The following TMOD1 variants were observed in gnomAD, a reference collection of about 807,000 sequenced individuals.
TMOD1 encodes tropomodulin-1.
In TMOD1, 17 loss-of-function variants were observed where a neutral mutation model predicts 40.6. That is an observed-to-expected ratio of 0.42 (90% confidence interval 0.29 to 0.63). TMOD1 has a LOEUF of 0.63. TMOD1 is among the 20% of genes least tolerant of loss of function. The pLI, the probability that TMOD1 is intolerant of heterozygous loss-of-function variation, is 0.22. For missense variants in TMOD1, 391 were observed against 447.6 expected, an observed-to-expected ratio of 0.87 and a Z score of 1.14; for synonymous variants, 181 against 175.0, an observed-to-expected ratio of 1.03 and a Z score of -0.27.
intron 8 of TMOD1, 119 bp downstream of exon 8, chr9:97,569,156 T>A (rs1830779833): frequency 7.6e-7 from 1 of 1,320,522 alleles, no homozygotes; most frequent in African/African-American, 1.5e-5. Context: ...GAGCCCAGCT[T>A]TGAGGGACCT....
rs779217770 is a variant in TMOD1, at chr9:97,601,050, G to A, written c.*1352G>A. 8.4e-5 allele frequency: 109 copies of A among 1,303,864 alleles called. No individual in the cohort carries two copies. The highest frequency in any genetic ancestry group is 1.0e-4 in the Non-Finnish European group (103 of 988,816). 80.8% of individuals were successfully genotyped at this position (1,303,864 alleles called of 1,614,324 possible). A position where few individuals can be genotyped will look rare whatever the true frequency, so the allele number is the denominator to read the frequency against. On this transcript the variant is annotated 3_prime_UTR_variant, in exon 10 of 10. Transcript: ENST00000259365. Reference sequence around the variant, plus strand: ...TGAAGGCCTGCGCACTGAACTGTAAGGCAGTGGGCAGTACAGGGTAACTGG... The same window carrying A: ...TGAAGGCCTGCGCACTGAACTGTAAAGCAGTGGGCAGTACAGGGTAACTGG...
intron 8 of TMOD1, among the ~76,000 whole-genome samples, chr9:97,590,515 C>A (rs1825979143): frequency 1.3e-5 from 2 of 152,110 alleles, no homozygotes; most frequent in Admixed American, 6.5e-5. Flanking sequence ...CATGAGCCAC[C>A]ACGCCTGGCC....
intron 2 of TMOD1, 149 bp downstream of exon 2, chr9:97,524,457 T>C (rs769556708): frequency 8.7e-5 from 79 of 911,404 alleles, no homozygotes; most frequent in Non-Finnish European, 1.2e-4. Context: ...TCTTTTAATG[T>C]GTTGTATTAG....
At chr9:97,504,810 C>G (rs62557553) in intron 1 of TMOD1, among the ~76,000 whole-genome samples, 6,185 of 152,218 alleles carry the variant, frequency 0.041, 159 homozygotes, top group African/African-American at 0.077. Context: ...CTTTTCCAGT[C>G]AATGTTTTGA....
At position 97,599,732 on chromosome 9, in the gene TMOD1, A is replaced by G; in HGVS notation, c.*34A>G. On this transcript the variant is annotated 3_prime_UTR_variant, in exon 10 of 10. Coordinates refer to ENST00000259365, the MANE Select transcript of TMOD1 (RefSeq NM_003275.4). ...GGTGGAGTCCATGCCTTTGAACTGG[A>G]TGTGTTCTATTGATGACCTGTGCTC... 6.2e-7 allele frequency: 1 copy of G among 1,613,782 alleles called. No homozygotes were observed. The highest frequency in any genetic ancestry group is 8.5e-7 in the Non-Finnish European group (1 of 1,179,934).
Position 97,600,427 on chromosome 9 carries a change from G to A in TMOD1, c.*729G>A. On this transcript the variant is annotated 3_prime_UTR_variant, in exon 10 of 10. Coordinates refer to ENST00000259365, the MANE Select transcript of TMOD1 (RefSeq NM_003275.4). ...TTCTTTAAGAACATTTGGGATTTAT[G>A]TACAATTTAATACTGGAGTTAGAAC... The A allele has an allele frequency of 2.0e-6, 2 of 985,746 alleles. No individual in the cohort carries two copies. The highest frequency in any genetic ancestry group is 9.4e-5 in the South Asian group (2 of 21,306). The allele number at this position is 985,746 out of a possible 1,614,324, so 61.1% of individuals were successfully genotyped here. A position where few individuals can be genotyped will look rare whatever the true frequency, so the allele number is the denominator to read the frequency against.
In TMOD1 at chr9:97,555,626, T is replaced by G. The variant is rs1587939918; in HGVS notation, c.397+2226T>G. The stretch of plus-strand genomic sequence containing the variant: ...TGGCTAACCTTGGATGCCTGTCATT[T>G]GATGTTGGACATTTGAAAGATGGCA... On this transcript the variant is annotated intron_variant, in intron 4 of 9. Transcript: ENST00000259365. The G allele has an allele frequency of 3.2e-6, 5 of 1,550,960 alleles. No individual in the cohort carries two copies. The East Asian group carries it at 1.2e-4, about 38-fold the overall frequency.
At chr9:97,589,277 TA>T (rs1825947681) in intron 8 of TMOD1, among the ~76,000 whole-genome samples, 2 of 138,648 alleles carry the variant, frequency 1.4e-5, no homozygotes, top group African/African-American at 5.7e-5. Context: ...CCAAACTCAC[TA>T]ATTTTTTTTT....
intron 3 of TMOD1, among the ~76,000 whole-genome samples, chr9:97,547,731 T>C (rs1295988778): frequency 6.6e-6 from 1 of 152,234 alleles, no homozygotes; most frequent in Non-Finnish European, 1.5e-5. Flanking sequence ...GCTTGGTTAT[T>C]TTCCAACACA....
intron 1 of TMOD1, among the ~76,000 whole-genome samples, chr9:97,518,087 A>G (rs1587916010): frequency 6.6e-6 from 1 of 151,976 alleles, no homozygotes; most frequent in South Asian, 2.1e-4. Flanking sequence ...CTGCCCCAAC[A>G]CCTGCCCCAT....
chr9:97,580,687 G>A (rs1419461485), intron 8 of TMOD1, among the ~76,000 whole-genome samples: 1 of 152,164 alleles, frequency 6.6e-6, no homozygotes, highest in Non-Finnish European at 1.5e-5. Flanking sequence ...ACTCTATGCA[G>A]TTTAGGTGGG....
chr9:97,601,045 T>C lies in TMOD1; in HGVS notation c.*1347T>C, dbSNP rs1826246066. On this transcript the variant is annotated 3_prime_UTR_variant, in exon 10 of 10. Transcript: ENST00000259365. ...AAAGGTGAAGGCCTGCGCACTGAAC[T>C]GTAAGGCAGTGGGCAGTACAGGGTA... 1 of 1,303,604 alleles carries C rather than the reference T, an allele frequency of 7.7e-7. No homozygotes were observed. The highest frequency in any genetic ancestry group is 1.5e-5 in the African/African-American group (1 of 65,862). 80.8% of individuals were successfully genotyped at this position (1,303,604 alleles called of 1,614,324 possible).
intron 8 of TMOD1, among the ~76,000 whole-genome samples, chr9:97,575,049 C>A (rs1830905176): frequency 6.6e-6 from 1 of 152,224 alleles, no homozygotes; most frequent in South Asian, 2.1e-4. Context: ...TGGCAACCCG[C>A]TCGGGTCCAC....
chr9:97,585,729 TC>T (rs1251183678), intron 8 of TMOD1, among the ~76,000 whole-genome samples: 4 of 129,550 alleles, frequency 3.1e-5, no homozygotes, highest in Non-Finnish European at 6.5e-5. Flanking sequence ...TCTCTAAACT[TC>T]CCTTCTTGCT....
In TMOD1 at chr9:97,599,597, G is replaced by C. The variant is rs776535945; in HGVS notation, c.1016-37G>C. On this transcript the variant is annotated intron_variant, in intron 9 of 9. Transcript: ENST00000259365. The stretch of plus-strand genomic sequence containing the variant: ...ACAGTGCTGGCCCCTGGTCTACAGG[G>C]AAAAGTGCCTTATATCTTATCTCCA... 2.5e-6 allele frequency: 4 copies of C among 1,613,692 alleles called. No homozygotes were observed. In the South Asian group the frequency reaches 4.4e-5, roughly 18 times the overall value.
intron 2 of TMOD1, among the ~76,000 whole-genome samples, chr9:97,532,488 T>C (rs959940208): frequency 7.9e-5 from 12 of 152,216 alleles, no homozygotes; most frequent in African/African-American, 2.9e-4. Context: ...CTGAGCTGTT[T>C]CCTATTTGAT....
rs536242453 is a variant in TMOD1 at position 97,513,488 on chromosome 9, A to G, written c.-48-10653A>G. Among the ~76,000 whole-genome samples the G allele has an allele frequency of 1.3e-3, 192 of 152,292 alleles. 1 individual carries two copies. Among genetic ancestry groups the G allele is most frequent in the African/African-American group, 4.6e-3 (190 of 41,572 alleles). On this transcript the variant is annotated intron_variant, in intron 1 of 9. Transcript: ENST00000259365. This position sits in a 1 kb window ranked among gnomAD's most constrained non-coding sequence, Gnocchi z 4.1. ...AAGATGGGGCCTCACCTGTAAAGGA[A>G]ACTAAGGGCCCAGGGCATCTGTTCT...
intron 1 of TMOD1, among the ~76,000 whole-genome samples, chr9:97,521,194 G>A (rs562926624): frequency 3.9e-5 from 6 of 152,238 alleles, no homozygotes; most frequent in African/African-American, 9.6e-5. Context: ...TTCCATTTCC[G>A]GGTGCAGTTT....
Position 97,524,311 on chromosome 9 carries a change from G to A in TMOD1, c.120+3G>A, listed in dbSNP as rs1829964544. 1 of 1,613,842 alleles carries A rather than the reference G, an allele frequency of 6.2e-7. No homozygotes were observed. Among genetic ancestry groups the A allele is most frequent in the Non-Finnish European group, 8.5e-7 (1 of 1,179,842 alleles). ...AGCTGGATGAGCTGGACCCTGATGT[G>A]AGTAGGTGCTAAAGGGAAGCACATT... On this transcript the variant is annotated splice_donor_region_variant and intron_variant, in intron 2 of 9. Transcript: ENST00000259365.
Sources: gnomAD v4.1 joint callset for allele counts (sites outside exome capture counted in the v4.1 genomes callset) on GRCh38, gnomAD v4.1.1 for gene constraint, Gnocchi (gnomAD v3.1) non-coding constraint, MANE v1.5 for transcripts, NCBI Gene and HGNC (gene_info 2026-07-23, HGNC 2026-07-21) for gene names.